The following CSMD1 variants were observed in gnomAD, a reference collection of about 807,000 sequenced individuals.
CSMD1 encodes CUB and sushi domain-containing protein 1.
In CSMD1, 213 loss-of-function variants were observed where a neutral mutation model predicts 417.5. The ratio of observed to expected loss-of-function variants is 0.51; its 90% confidence interval spans 0.46 to 0.57. The LOEUF is 0.57. Among genes scored for constraint, CSMD1 ranks in the 20% least tolerant of loss-of-function variants. The pLI is 0.00. For missense variants in CSMD1, 6,923 were observed against 4,529.7 expected (o/e 1.53, Z -15.17); for synonymous variants, 2,862 against 1,736.8 (o/e 1.65, Z -16.11).
At chr8:3,630,872 C>G (rs1258049291) in intron 7 of CSMD1, among the ~76,000 whole-genome samples, 4 of 152,122 alleles carry the variant, frequency 2.6e-5, no homozygotes, top group African/African-American at 7.2e-5. Flanking sequence ...CTCAGTTGGT[C>G]TGTTGGTTAT....
chr8:4,116,469 C>T lies in CSMD1; in HGVS notation c.416-84370G>A, dbSNP rs145680276. 8.9e-5 allele frequency among the ~76,000 whole-genome samples: 12 copies of T among 134,376 alleles called. No individual in the cohort carries two copies. In the East Asian group the frequency reaches 2.2e-3, roughly 24 times the overall value. The allele number at this position is 134,376 out of a possible 152,430, so 88.2% of individuals were successfully genotyped here. A position where few individuals can be genotyped will look rare whatever the true frequency, so the allele number is the denominator to read the frequency against. Reference sequence around the variant, plus strand: ...TGCAGGTGCCTGAATGGAACAAACGCGCCATGAATGAACCCTAACGTAAGC... The same window carrying T: ...TGCAGGTGCCTGAATGGAACAAACGTGCCATGAATGAACCCTAACGTAAGC... On this transcript the variant is annotated intron_variant, in intron 3 of 69. Transcript: ENST00000635120.
intron 2 of CSMD1, 150 bp from the exon 3 acceptor site, chr8:4,420,215 G>GT (rs1489711590): frequency 4.1e-6 from 2 of 492,928 alleles, no homozygotes; most frequent in African/African-American, 1.9e-5. Flanking sequence ...ACATAGCTTT[G>GT]GTTGTTAAGT....
At chr8:4,457,326 T>C (rs10441633) in intron 2 of CSMD1, among the ~76,000 whole-genome samples, 27,222 of 151,914 alleles carry the variant, frequency 0.18, 2,824 homozygotes, top group East Asian at 0.37. Context: ...ATTTGTAGAG[T>C]GCTTGGGACA....
At chr8:4,395,493 C>CCA in intron 3 of CSMD1, among the ~76,000 whole-genome samples, 1 of 151,624 alleles carries the variant, frequency 6.6e-6, no homozygotes, top group South Asian at 2.1e-4. Context: ...ATACAAATCT[C>CCA]CACCCCTCAC....
intron 49 of CSMD1, among the ~76,000 whole-genome samples, chr8:3,068,660 G>A (rs7003421): frequency 6.6e-5 from 10 of 152,146 alleles, no homozygotes; most frequent in African/African-American, 2.4e-4. Flanking sequence ...GAAGGCCAAG[G>A]GGGAGCAGGC....
intron 30 of CSMD1, among the ~76,000 whole-genome samples, chr8:3,209,303 A>G (rs1585662191): frequency 1.3e-5 from 2 of 151,512 alleles, no homozygotes; most frequent in Non-Finnish European, 1.5e-5. Flanking sequence ...TTATTTATTT[A>G]TTTATTTATT....
At chr8:3,501,186 T>C (rs1374919767) in intron 10 of CSMD1, among the ~76,000 whole-genome samples, 1 of 152,084 alleles carries the variant, frequency 6.6e-6, no homozygotes, top group Non-Finnish European at 1.5e-5. Flanking sequence ...ACCAAAAGAA[T>C]CCAAATATAT....
chr8:3,059,501 T>C (rs1416529492), intron 49 of CSMD1, among the ~76,000 whole-genome samples: 2 of 152,072 alleles, frequency 1.3e-5, no homozygotes, highest in South Asian at 2.1e-4. Context: ...TGGGATAAGC[T>C]GGAGAGGAGA....
At chr8:3,867,919 C>A (rs1476902758) in intron 5 of CSMD1, among the ~76,000 whole-genome samples, 1 of 152,014 alleles carries the variant, frequency 6.6e-6, no homozygotes, top group African/African-American at 2.4e-5. Context: ...CCGCCTCCTG[C>A]CTGGACACCC....
At chr8:3,323,837 T>A (rs201043122) in intron 23 of CSMD1, among the ~76,000 whole-genome samples, 3 of 140,074 alleles carry the variant, frequency 2.1e-5, no homozygotes, top group African/African-American at 7.7e-5. Flanking sequence ...CCATTCATCA[T>A]TGTTAAAACA....
chr8:4,132,801 A>G (rs1803190912), intron 3 of CSMD1, among the ~76,000 whole-genome samples: 1 of 152,350 alleles, frequency 6.6e-6, no homozygotes, highest in East Asian at 1.9e-4. Flanking sequence ...GTGTGAATGT[A>G]AAGAAGAATT....
chr8:4,337,811 A>G (rs949152999), intron 3 of CSMD1, among the ~76,000 whole-genome samples: 1 of 152,200 alleles, frequency 6.6e-6, no homozygotes, highest in African/African-American at 2.4e-5. Flanking sequence ...TTTAATCAGT[A>G]GAATAAATCA....
At chr8:3,327,008 T>G (rs145010476) in intron 23 of CSMD1, among the ~76,000 whole-genome samples, 1 of 150,562 alleles carries the variant, frequency 6.6e-6, no homozygotes, top group African/African-American at 2.4e-5. Flanking sequence ...AAGACCCTAC[T>G]CTCCACTAAA....
At chr8:3,428,559 G>T (rs575839271) in intron 12 of CSMD1, among the ~76,000 whole-genome samples, 2 of 152,272 alleles carry the variant, frequency 1.3e-5, no homozygotes, top group African/African-American at 4.8e-5. Flanking sequence ...CATACCAAAT[G>T]TCAGCAAACA....
chr8:4,069,551 C>A (rs536408232), intron 3 of CSMD1, among the ~76,000 whole-genome samples: 3 of 152,294 alleles, frequency 2.0e-5, no homozygotes, highest in East Asian at 1.9e-4. Flanking sequence ...TCCCTCTCCG[C>A]CTCCCATTCA....
At chr8:3,923,366 C>A (rs1024794817) in intron 5 of CSMD1, among the ~76,000 whole-genome samples, 3 of 152,152 alleles carry the variant, frequency 2.0e-5, no homozygotes, top group Admixed American at 1.3e-4. Context: ...CGCTTGTCCC[C>A]TTCCCATTGC....
chr8:4,450,378 A>G (rs181228485), intron 2 of CSMD1, among the ~76,000 whole-genome samples: 1 of 152,144 alleles, frequency 6.6e-6, no homozygotes, highest in African/African-American at 2.4e-5. Context: ...CTGTAATCCC[A>G]GCACTTTGGA....
chr8:4,576,854 C>G (rs927280049), intron 2 of CSMD1, among the ~76,000 whole-genome samples: 3 of 152,050 alleles, frequency 2.0e-5, no homozygotes, highest in Non-Finnish European at 4.4e-5. Context: ...TACATTTCCA[C>G]AAATGCTTTA....
At chr8:3,560,108 C>T (rs1799406253) in intron 10 of CSMD1, among the ~76,000 whole-genome samples, 1 of 152,198 alleles carries the variant, frequency 6.6e-6, no homozygotes, top group Admixed American at 6.5e-5. Context: ...TTCCAGGACC[C>T]ATTCGAACTT....
Sources: gnomAD v4.1 joint callset for allele counts (sites outside exome capture counted in the v4.1 genomes callset) on GRCh38, gnomAD v4.1.1 for gene constraint, MANE v1.5 for transcripts, NCBI Gene and HGNC (gene_info 2026-07-23, HGNC 2026-07-21) for gene names.